Variants in ADGRV1 observed in about 807,000 individuals in gnomAD.
ADGRV1 encodes the protein adhesion G protein-coupled receptor V1, also known as G-protein coupled receptor 98.
A neutral mutation model predicts 596.2 loss-of-function variants in ADGRV1; 359 were observed. The observed-to-expected ratio is 0.60, with a 90% CI of 0.55 to 0.66. The LOEUF is 0.66. Ranked by LOEUF, ADGRV1 falls within the 30% of genes least tolerant of loss-of-function variation. The pLI is 0.00. For missense variants in ADGRV1, 7,274 were observed against 7,575.6 expected (o/e 0.96, Z 1.48); for synonymous variants, 2,681 against 2,679.2 (o/e 1.00, Z -0.02).
intron 60 of ADGRV1, among the ~76,000 whole-genome samples, chr5:90,775,520 A>T (rs1221864532): frequency 6.6e-6 from 1 of 152,170 alleles, no homozygotes; most frequent in Non-Finnish European, 1.5e-5. Context: ...TCTGTCACCC[A>T]GGCTGCAGTG....
chr5:91,008,716 G>T (rs1208506719), intron 85 of ADGRV1, among the ~76,000 whole-genome samples: 1 of 151,822 alleles, frequency 6.6e-6, no homozygotes, highest in Non-Finnish European at 1.5e-5. Context: ...GTTGAGGCGG[G>T]TCACAAACTC....
chr5:91,130,925 C>G (rs1794162915), intron 87 of ADGRV1, among the ~76,000 whole-genome samples: 1 of 152,234 alleles, frequency 6.6e-6, no homozygotes, highest in Non-Finnish European at 1.5e-5. Context: ...TCCAGCTGCA[C>G]CTGTGTTGCC....
chr5:90,929,009 G>A lies in ADGRV1; in HGVS notation c.17857-36406G>A, dbSNP rs1258287953. 4.1e-3 allele frequency among the ~76,000 whole-genome samples: 582 copies of A among 141,382 alleles called. 5 individuals carry two copies. The highest frequency in any genetic ancestry group is 0.012 in the African/African-American group (449 of 37,372). The allele number at this position is 141,382 out of a possible 152,430, so 92.8% of individuals were successfully genotyped here. On this transcript the variant is annotated intron_variant, in intron 83 of 89. Transcript: ENST00000405460. ...CCCGTTCTCAGATCTCCAGCTGCGT[G>A]CTGGGAGAACCACTGCTCTCTTCAA... is the stretch of plus-strand genomic sequence containing the variant.
chr5:91,159,699 GT>G (rs544740972), intron 89 of ADGRV1, among the ~76,000 whole-genome samples: 189 of 146,382 alleles, frequency 1.3e-3, no homozygotes, highest in Middle Eastern at 7.1e-3. Context: ...ATTATTATTA[GT>G]TTTTTTTTTT....
In ADGRV1 at chr5:91,050,485, T is replaced by C. The variant is rs951283845; in HGVS notation, c.18153-21962T>C. On this transcript the variant is annotated intron_variant, in intron 85 of 89. Coordinates refer to ENST00000405460, the MANE Select transcript of ADGRV1 (RefSeq NM_032119.4). ...CAGGTATAGTATGTATTTATTTGTA[T>C]GCATTTTCATATTTTCTGTATTTCA... Among the ~76,000 whole-genome samples, 5 of 152,348 alleles carry C rather than the reference T, an allele frequency of 3.3e-5. No individual in the cohort carries two copies. In the South Asian group the frequency reaches 1.0e-3, roughly 32 times the overall value.
chr5:91,061,709 A>C (rs1377393294), intron 85 of ADGRV1, among the ~76,000 whole-genome samples: 1 of 152,216 alleles, frequency 6.6e-6, no homozygotes, highest in East Asian at 1.9e-4. Context: ...CTTAAAAATG[A>C]GCCCAATTCT....
intron 74 of ADGRV1, among the ~76,000 whole-genome samples, chr5:90,813,064 C>T (rs902246750): frequency 4.5e-5 from 6 of 132,184 alleles, no homozygotes; most frequent in Admixed American, 3.5e-4. Flanking sequence ...ACCTGGGAGA[C>T]GGAGCTTGCA....
In ADGRV1 at chr5:90,925,784, T is replaced by C. The variant is rs982728169; in HGVS notation, c.17857-39631T>C. 4.9e-4 allele frequency among the ~76,000 whole-genome samples: 65 copies of C among 133,418 alleles called. 1 individual carries two copies. Among genetic ancestry groups the C allele is most frequent in the Non-Finnish European group, 1.2e-4 (7 of 60,328 alleles). The allele number at this position is 133,418 out of a possible 152,430, so 87.5% of individuals were successfully genotyped here. ...GCTGTGGGTTTGTCATAGATAGCTC[T>C]TATTATTTTGAAATACGTCCCGTCA... On this transcript the variant is annotated intron_variant, in intron 83 of 89. Transcript: ENST00000405460.
At chr5:91,083,193 A>T (rs1171183082) in intron 86 of ADGRV1, among the ~76,000 whole-genome samples, 1 of 151,588 alleles carries the variant, frequency 6.6e-6, no homozygotes, top group African/African-American at 2.4e-5. Context: ...TTGAACAATG[A>T]GAACACTTGG....
intron 79 of ADGRV1, among the ~76,000 whole-genome samples, chr5:90,852,529 C>A (rs537703109): frequency 6.6e-6 from 1 of 152,280 alleles, no homozygotes; most frequent in East Asian, 1.9e-4. Context: ...GCATCTGATT[C>A]TCTGGGGGAC....
At chr5:90,860,924 C>A (rs1269172035) in intron 82 of ADGRV1, among the ~76,000 whole-genome samples, 1 of 152,200 alleles carries the variant, frequency 6.6e-6, no homozygotes, top group South Asian at 2.1e-4. Flanking sequence ...GAAAGTATCT[C>A]TCATTCTTAA....
At chr5:90,893,818 C>T in intron 83 of ADGRV1, among the ~76,000 whole-genome samples, 1 of 152,090 alleles carries the variant, frequency 6.6e-6, no homozygotes, top group East Asian at 1.9e-4. Context: ...TTTATTTTTT[C>T]CATGCCCTGC....
chr5:91,026,103 TC>T (rs1482047987), intron 85 of ADGRV1, among the ~76,000 whole-genome samples: 1 of 152,048 alleles, frequency 6.6e-6, no homozygotes, highest in Non-Finnish European at 1.5e-5. Context: ...TAATACAAAG[TC>T]CCACAGCCAG....
chr5:90,597,253 T>A (rs1466374047), intron 1 of ADGRV1, among the ~76,000 whole-genome samples: 2 of 152,224 alleles, frequency 1.3e-5, no homozygotes, highest in Non-Finnish European at 2.9e-5. Flanking sequence ...GCTGACAATA[T>A]GAGTGTTGTT....
At chr5:90,920,901 G>A (rs761838148) in intron 83 of ADGRV1, among the ~76,000 whole-genome samples, 1 of 151,942 alleles carries the variant, frequency 6.6e-6, no homozygotes, top group Non-Finnish European at 1.5e-5. Context: ...ATCTTCCTTT[G>A]TTATTGTTAA....
rs372197085 is a variant in ADGRV1, at chr5:90,788,144, T to C, written c.13727T>C (p.Val4576Ala). 84 of 1,613,726 alleles carry C rather than the reference T, an allele frequency of 5.2e-5. No homozygotes were observed. Among genetic ancestry groups the C allele is most frequent in the Non-Finnish European group, 7.1e-5 (84 of 1,179,696 alleles). ...CAGAATAGAGACATTGCAGACCCAG[T>C]GAGCGGGTTGTTCTATTTTGGAGAA... ...LPQNRDIADP[V>A]SGLFYFGEGE... The change falls in exon 68 of 90, where the codon GTG becomes GCG. Residue 4576 changes from valine to alanine, a missense_variant. By Grantham distance (64) the Val-to-Ala change is moderately conservative (BLOSUM62 0). Coordinates refer to ENST00000405460, the MANE Select transcript of ADGRV1 (RefSeq NM_032119.4).
At chr5:91,078,011 G>T (rs1390783749) in intron 86 of ADGRV1, among the ~76,000 whole-genome samples, 1 of 152,008 alleles carries the variant, frequency 6.6e-6, no homozygotes, top group East Asian at 1.9e-4. Flanking sequence ...CCACACATAG[G>T]TTTCAATATG....
chr5:91,077,582 T>C (rs143070602), intron 86 of ADGRV1, among the ~76,000 whole-genome samples: 61 of 152,316 alleles, frequency 4.0e-4, no homozygotes, highest in African/African-American at 1.5e-3. Context: ...AGATGCCCAC[T>C]GTCAACCCCT....
At chr5:90,821,085 T>A (rs1008991439) in intron 75 of ADGRV1, among the ~76,000 whole-genome samples, 4 of 152,182 alleles carry the variant, frequency 2.6e-5, no homozygotes, top group Admixed American at 6.5e-5. Flanking sequence ...TTTCACATAG[T>A]CGCATATTTC....
Sources: allele counts gnomAD v4.1 joint callset (sites outside exome capture counted in the v4.1 genomes callset), GRCh38; gene constraint gnomAD v4.1.1; transcripts MANE v1.5; gene names NCBI Gene and HGNC (gene_info 2026-07-23, HGNC 2026-07-21).